Variants in FMN2 observed in about 807,000 individuals in gnomAD.
The protein encoded by FMN2 is formin-2.
A neutral mutation model predicts 142.3 loss-of-function variants in FMN2; 51 were observed. The ratio of observed to expected loss-of-function variants is 0.36; its 90% confidence interval spans 0.29 to 0.45. FMN2 has a LOEUF of 0.45. Among genes scored for constraint, FMN2 ranks in the 20% least tolerant of loss-of-function variants. FMN2 has a pLI of 1.00. For missense variants in FMN2, 1,936 were observed against 2,122.8 expected (o/e 0.91, Z 1.73); for synonymous variants, 882 against 869.8 (o/e 1.01, Z -0.25).
intron 8 of FMN2, among the ~76,000 whole-genome samples, chr1:240,298,260 G>A (rs1324537559): frequency 1.3e-5 from 2 of 152,202 alleles, no homozygotes; most frequent in Non-Finnish European, 2.9e-5. Flanking sequence ...GCCCTCTGCA[G>A]TACAGGAACT....
chr1:240,207,344 T>G lies in FMN2; in HGVS notation c.2532T>G (p.Ser844=). 1 of 1,613,830 alleles carries G rather than the reference T, an allele frequency of 6.2e-7. No homozygotes were observed. Among genetic ancestry groups the G allele is most frequent in the Non-Finnish European group, 8.5e-7 (1 of 1,179,840 alleles). The change falls in exon 5 of 18, where the codon TCT becomes TCG. Residue 844 remains serine, a synonymous_variant. Transcript: ENST00000319653. ...AGTTTCAAACCAGCCACGAACACTC[T>G]GTTTCCTCTGCCTTTAAAAACAGCT... is the stretch of plus-strand genomic sequence containing the variant. ...STEFQTSHEH[S]VSSAFKNSCN... is the part of the protein sequence containing the mutation.
At chr1:240,346,683 C>A (rs1333349199) in intron 13 of FMN2, among the ~76,000 whole-genome samples, 1 of 152,158 alleles carries the variant, frequency 6.6e-6, no homozygotes, top group Non-Finnish European at 1.5e-5. Flanking sequence ...CTCCGTAGTA[C>A]TTCTTTAATA....
rs747413802 is a variant in FMN2 at position 240,092,593 on chromosome 1, G to T, written c.484G>T (p.Asp162Tyr). Residue 162 changes from aspartate to tyrosine, a missense_variant, in exon 1 of 18, where the codon GAT becomes TAT. Physicochemically the swap from Asp to Tyr is radical, Grantham distance 160 (BLOSUM62 -3). Transcript: ENST00000319653. ...ARVGGRPIAE[D>Y]VETAAGAQDG... The stretch of plus-strand genomic sequence containing the variant: ...GGTCGGGGGCCGGCCGATCGCCGAG[G>T]ATGTGGAAACTGCAGCAGGGGCGCA... 6 of 1,613,984 alleles carry T rather than the reference G, an allele frequency of 3.7e-6. No homozygotes were observed. Among genetic ancestry groups the T allele is most frequent in the Non-Finnish European group, 8.5e-7 (1 of 1,179,996 alleles).
intron 13 of FMN2, among the ~76,000 whole-genome samples, chr1:240,354,339 G>C (rs113540875): frequency 3.2e-4 from 49 of 152,258 alleles, no homozygotes; most frequent in African/African-American, 1.1e-3. Context: ...AAAGAGAGGG[G>C]GTTGAGAATA....
intron 15 of FMN2, among the ~76,000 whole-genome samples, chr1:240,403,511 G>A (rs1177647524): frequency 1.3e-5 from 2 of 152,248 alleles, no homozygotes; most frequent in South Asian, 2.1e-4. Flanking sequence ...ACAGGCGCCT[G>A]TAATCCCAGC....
chr1:240,430,518 T>G (rs1397260421), intron 15 of FMN2, among the ~76,000 whole-genome samples: 1 of 152,096 alleles, frequency 6.6e-6, no homozygotes, highest in Non-Finnish European at 1.5e-5. Context: ...ATTTATCAAC[T>G]TTTTTTCTCT....
At chr1:240,421,371 C>G (rs1442302713) in intron 15 of FMN2, among the ~76,000 whole-genome samples, 1 of 152,102 alleles carries the variant, frequency 6.6e-6, no homozygotes. Flanking sequence ...TGTCCCTTTT[C>G]CAGATAATAT....
chr1:240,326,097 G>A (rs1009395257), intron 8 of FMN2, among the ~76,000 whole-genome samples: 1 of 152,082 alleles, frequency 6.6e-6, no homozygotes, highest in Non-Finnish European at 1.5e-5. Context: ...AGAATTGACC[G>A]TGTGTGTGTA....
chr1:240,308,552 A>T (rs555903069), intron 8 of FMN2, among the ~76,000 whole-genome samples: 1 of 152,290 alleles, frequency 6.6e-6, no homozygotes, highest in South Asian at 2.1e-4. Context: ...GCCCAACCAG[A>T]AACAGAAACT....
chr1:240,127,354 G>C (rs1169187409), intron 2 of FMN2, among the ~76,000 whole-genome samples: 1 of 151,764 alleles, frequency 6.6e-6, no homozygotes. Context: ...TTACAGGCAT[G>C]AGCCACCATA....
Position 240,217,989 on chromosome 1 carries a change from G to A in FMN2, c.4065+6754G>A, listed in dbSNP as rs529705318. 2.7e-3 allele frequency among the ~76,000 whole-genome samples: 411 copies of A among 152,124 alleles called. 3 individuals carry two copies. The South Asian group carries it at 0.027, about 10-fold the overall frequency. Reference sequence around the variant, plus strand: ...TTGGATTTTATATTTATATACCACGGTATTAAGATTCTGGGCTGGGCGCAG... The same window carrying A: ...TTGGATTTTATATTTATATACCACGATATTAAGATTCTGGGCTGGGCGCAG... On this transcript the variant is annotated intron_variant, in intron 6 of 17. Coordinates refer to ENST00000319653, the MANE Select transcript of FMN2 (RefSeq NM_020066.5).
intron 14 of FMN2, among the ~76,000 whole-genome samples, chr1:240,367,714 G>A (rs1457007776): frequency 7.0e-6 from 1 of 142,988 alleles, no homozygotes; most frequent in African/African-American, 2.7e-5. Context: ...GTTGCAGTGA[G>A]CCGAGATCAC....
At chr1:240,229,285 C>T (rs1223187969) in intron 6 of FMN2, among the ~76,000 whole-genome samples, 4 of 152,146 alleles carry the variant, frequency 2.6e-5, no homozygotes, top group Non-Finnish European at 5.9e-5. Flanking sequence ...CATTATTGAA[C>T]CTAAATTTGA....
At chr1:240,364,839 GAATGACTGTC>G (rs1243387562) in intron 14 of FMN2, among the ~76,000 whole-genome samples, 2 of 151,838 alleles carry the variant, frequency 1.3e-5, no homozygotes, top group Non-Finnish European at 2.9e-5. Context: ...ATGAATGAAG[GAATGACTGTC>G]AATTCAACAC....
intron 8 of FMN2, among the ~76,000 whole-genome samples, chr1:240,302,741 A>G (rs1326916656): frequency 6.6e-6 from 1 of 152,068 alleles, no homozygotes; most frequent in Admixed American, 6.5e-5. Context: ...ACCATCAGAC[A>G]CATTAATGGG....
chr1:240,103,066 A>C (rs1661469188), intron 1 of FMN2, among the ~76,000 whole-genome samples: 2 of 151,814 alleles, frequency 1.3e-5, no homozygotes, highest in South Asian at 4.2e-4. Flanking sequence ...GGGTTTCACC[A>C]TGTTGGCCAG....
intron 1 of FMN2, among the ~76,000 whole-genome samples, chr1:240,107,001 T>A (rs1339191118): frequency 6.6e-6 from 1 of 151,786 alleles, no homozygotes; most frequent in East Asian, 1.9e-4. Flanking sequence ...GGAGGATTTT[T>A]AATGCCACTC....
intron 8 of FMN2, among the ~76,000 whole-genome samples, chr1:240,327,284 T>C (rs1483098575): frequency 1.3e-5 from 2 of 152,206 alleles, no homozygotes; most frequent in African/African-American, 4.8e-5. Flanking sequence ...CTCTGGCAGA[T>C]CTCTCATCAA....
At chr1:240,123,403 A>G in intron 2 of FMN2, 58 bp downstream of exon 2, 1 of 1,552,068 alleles carries the variant, frequency 6.4e-7, no homozygotes, top group Non-Finnish European at 8.7e-7. Context: ...AATAGCAGCT[A>G]CGATGTGTAT....
Sources: gnomAD v4.1 joint callset for allele counts (sites outside exome capture counted in the v4.1 genomes callset) on GRCh38, gnomAD v4.1.1 for gene constraint, MANE v1.5 for transcripts, NCBI Gene and HGNC (gene_info 2026-07-23, HGNC 2026-07-21) for gene names.